The following DNM3 variants were observed in gnomAD, a reference collection of about 807,000 sequenced individuals.
DNM3 encodes the protein dynamin 3.
In DNM3, 47 loss-of-function variants were observed where a neutral mutation model predicts 101.6. The observed-to-expected ratio is 0.46, with a 90% confidence interval of 0.37 to 0.59. DNM3 has a LOEUF of 0.59. Among genes scored for constraint, DNM3 ranks in the 20% least tolerant of loss-of-function variants. The pLI is 0.00. For missense variants in DNM3, 849 were observed against 1,085.7 expected, an observed-to-expected ratio of 0.78 and a Z score of 3.06; for synonymous variants, 385 against 387.9, an observed-to-expected ratio of 0.99 and a Z score of 0.09.
At chr1:172,353,196 C>T (rs529661104) in intron 17 of DNM3, among the ~76,000 whole-genome samples, 15 of 152,166 alleles carry the variant, frequency 9.9e-5, no homozygotes, top group African/African-American at 3.4e-4. Context: ...TATTCTATAC[C>T]GGATGAACAT....
intron 14 of DNM3, among the ~76,000 whole-genome samples, chr1:172,166,551 C>T (rs779413249): frequency 2.6e-5 from 4 of 152,024 alleles, no homozygotes; most frequent in Non-Finnish European, 5.9e-5. Flanking sequence ...TAGGATTAGA[C>T]CTGGATCCCC....
At chr1:172,136,089 T>A (rs1027517123) in intron 14 of DNM3, among the ~76,000 whole-genome samples, 2 of 152,134 alleles carry the variant, frequency 1.3e-5, no homozygotes, top group Admixed American at 1.3e-4. Context: ...CTTATACTAT[T>A]GAGGAAAACC....
chr1:172,091,569 G>A (rs1008457958), intron 12 of DNM3, among the ~76,000 whole-genome samples: 17 of 152,254 alleles, frequency 1.1e-4, no homozygotes, highest in African/African-American at 3.9e-4. Flanking sequence ...TGTATTGGGT[G>A]GGTTTGAAAA....
chr1:172,308,806 A>G lies in DNM3; in HGVS notation c.1848A>G (p.Leu616=). 3 of 1,610,812 alleles carry G rather than the reference A, an allele frequency of 1.9e-6. No individual in the cohort carries two copies. Among genetic ancestry groups the G allele is most frequent in the Non-Finnish European group, 2.5e-6 (3 of 1,178,484 alleles). The change falls in exon 16 of 21, where the codon CTA becomes CTG. Residue 616 remains leucine (L), a synonymous_variant. Transcript: ENST00000627582. ...ATGTCGACAGCTGGAAGGCATCTCT[A>G]CTAAGAGCTGGGGTCTATCCTGACA... ...QEDVDSWKAS[L]LRAGVYPDKS...
intron 1 of DNM3, among the ~76,000 whole-genome samples, chr1:171,857,377 A>G (rs1462986937): frequency 7.9e-5 from 12 of 152,190 alleles, no homozygotes; most frequent in Non-Finnish European, 1.5e-4. Context: ...GAGTGACAGA[A>G]AGGCAGAGAG....
intron 14 of DNM3, among the ~76,000 whole-genome samples, chr1:172,145,522 C>A (rs1300938969): frequency 1.3e-5 from 2 of 152,044 alleles, no homozygotes; most frequent in African/African-American, 4.8e-5. Flanking sequence ...AGTGAAGCCC[C>A]CATGAAAAGT....
At chr1:171,919,095 C>T (rs2039952482) in intron 1 of DNM3, among the ~76,000 whole-genome samples, 2 of 152,188 alleles carry the variant, frequency 1.3e-5, no homozygotes, top group South Asian at 2.1e-4. Flanking sequence ...AAATTTCACT[C>T]ATGGTCCTCA....
At chr1:172,146,794 T>C (rs2057922269) in intron 14 of DNM3, among the ~76,000 whole-genome samples, 1 of 152,140 alleles carries the variant, frequency 6.6e-6, no homozygotes, top group Non-Finnish European at 1.5e-5. Flanking sequence ...CCCACTTTCA[T>C]TTATGTCCAT....
At chr1:171,853,772 A>G (rs2033258837) in intron 1 of DNM3, among the ~76,000 whole-genome samples, 1 of 152,034 alleles carries the variant, frequency 6.6e-6, no homozygotes, top group African/African-American at 2.4e-5. Flanking sequence ...TTATTCATCT[A>G]TTCCATGTAA....
intron 17 of DNM3, among the ~76,000 whole-genome samples, chr1:172,362,617 A>G (rs1225758303): frequency 6.6e-6 from 1 of 151,892 alleles, no homozygotes; most frequent in African/African-American, 2.4e-5. Context: ...TCCCTGGCCT[A>G]AAAGAAACAT....
chr1:172,224,622 G>A (rs2061035707), intron 14 of DNM3, among the ~76,000 whole-genome samples: 1 of 152,120 alleles, frequency 6.6e-6, no homozygotes, highest in Non-Finnish European at 1.5e-5. Flanking sequence ...AGGGCAAACT[G>A]CATTTTCACT....
In DNM3 at chr1:172,183,087, G is replaced by A. The variant is rs79598341; in HGVS notation, c.1659+51799G>A. 4.4e-3 allele frequency among the ~76,000 whole-genome samples: 665 copies of A among 152,164 alleles called. 3 individuals are homozygous for A. Among genetic ancestry groups the A allele is most frequent in the African/African-American group, 0.014 (590 of 41,534 alleles). ...AGAAAGGCACTGTCCTGTCCCAGACGCCAAAAGTTTAGTGGGAAGTGATGG... is the reference window on the plus strand; with the variant it reads ...AGAAAGGCACTGTCCTGTCCCAGACACCAAAAGTTTAGTGGGAAGTGATGG... On this transcript the variant is annotated intron_variant, in intron 14 of 20. Transcript: ENST00000627582.
At chr1:172,366,971 G>C (rs889513959) in intron 17 of DNM3, among the ~76,000 whole-genome samples, 29 of 151,852 alleles carry the variant, frequency 1.9e-4, no homozygotes, top group Middle Eastern at 3.4e-3. Context: ...TGCGTGTCTT[G>C]ATAGAAATAT....
At chr1:172,176,989 G>T (rs2059174825) in intron 14 of DNM3, among the ~76,000 whole-genome samples, 3 of 151,860 alleles carry the variant, frequency 2.0e-5, no homozygotes, top group African/African-American at 7.2e-5. Context: ...GAAGGGAAAG[G>T]AAAGAACATA....
intron 15 of DNM3, among the ~76,000 whole-genome samples, chr1:172,283,615 G>A (rs536180202): frequency 3.3e-5 from 5 of 151,620 alleles, no homozygotes; most frequent in African/African-American, 9.7e-5. Context: ...CAAAAATTAG[G>A]CAGGCGTGGT....
intron 6 of DNM3, among the ~76,000 whole-genome samples, 175 bp from the exon 7 acceptor site, chr1:172,038,144 A>G (rs1426049140): frequency 6.6e-6 from 1 of 152,154 alleles, no homozygotes; most frequent in Non-Finnish European, 1.5e-5. Context: ...TGGAGGAGGG[A>G]GTTGGTGTTC....
intron 17 of DNM3, among the ~76,000 whole-genome samples, chr1:172,375,122 T>G (rs1271955748): frequency 6.6e-6 from 1 of 151,784 alleles, no homozygotes; most frequent in Non-Finnish European, 1.5e-5. Flanking sequence ...ACCACGGGGG[T>G]TTTTCTTGTG....
chr1:171,862,382 G>T (rs2034268183), intron 1 of DNM3, among the ~76,000 whole-genome samples: 1 of 152,144 alleles, frequency 6.6e-6, no homozygotes, highest in Admixed American at 6.5e-5. Context: ...GACATACATT[G>T]AATACAATGG....
chr1:171,853,324 C>T (rs929797861), intron 1 of DNM3, among the ~76,000 whole-genome samples: 2 of 150,468 alleles, frequency 1.3e-5, no homozygotes, highest in South Asian at 4.2e-4. Context: ...CCACCATGCT[C>T]AGCTAATTTT....
Sources: allele counts gnomAD v4.1 joint callset (sites outside exome capture counted in the v4.1 genomes callset), GRCh38; gene constraint gnomAD v4.1.1; transcripts MANE v1.5; gene names NCBI Gene and HGNC (gene_info 2026-07-23, HGNC 2026-07-21).